Variants in FAM135B observed in about 807,000 individuals in gnomAD.
FAM135B encodes the protein family with sequence similarity 135 member B.
FAM135B carries 43 observed loss-of-function variants against 127.7 expected under a neutral mutation model. The observed-to-expected ratio is 0.34, with a 90% confidence interval of 0.26 to 0.43. FAM135B has a LOEUF of 0.43. Among genes scored for constraint, FAM135B ranks in the 20% least tolerant of loss-of-function variants. The pLI, the probability that FAM135B is intolerant of heterozygous loss-of-function variation, is 1.00. For synonymous variants in FAM135B, 670 were observed against 665.1 expected, an observed-to-expected ratio of 1.01 and a Z score of -0.11; for missense variants, 1,558 against 1,725.6, an observed-to-expected ratio of 0.90 and a Z score of 1.72.
intron 3 of FAM135B, among the ~76,000 whole-genome samples, chr8:138,274,673 G>A (rs960844162): frequency 2.6e-5 from 4 of 152,046 alleles, no homozygotes; most frequent in Non-Finnish European, 5.9e-5. Context: ...CATAAGAGAC[G>A]ACCACGCCCA....
rs1563664175 is a variant in FAM135B at position 138,132,679 on chromosome 8, C to G, written c.4135G>C (p.Gly1379Arg). 1.2e-6 allele frequency: 2 copies of G among 1,614,126 alleles called. No homozygotes were observed. The highest frequency in any genetic ancestry group is 8.5e-7 in the Non-Finnish European group (1 of 1,180,026). ...AGCACAGCGATGTGAGCGGCTCGGC[C>G]GATCAGGGTGTTGGCAGTGTTGGGC... is the stretch of plus-strand genomic sequence containing the variant. The part of the protein sequence containing the change: ...ALPNTANTLI[G>R]RAAHIAVLDS... Residue 1379 changes from glycine (G) to arginine (R), a missense_variant, in exon 20 of 20, where the codon GGC (glycine) becomes CGC (arginine). This residue lies in a region of FAM135B where 194 missense variants were observed against 333.8 expected (regional missense o/e 0.58). Transcript: ENST00000395297. This position sits in a 1 kb window ranked among gnomAD's most constrained non-coding sequence, Gnocchi z 4.5.
intron 1 of FAM135B, among the ~76,000 whole-genome samples, chr8:138,401,274 T>A (rs948493423): frequency 5.3e-5 from 8 of 152,192 alleles, no homozygotes; most frequent in African/African-American, 1.9e-4. Flanking sequence ...GAATTATTAT[T>A]TTGTAGGTTA....
intron 1 of FAM135B, among the ~76,000 whole-genome samples, chr8:138,382,239 C>T (rs549228688): frequency 1.1e-4 from 16 of 152,230 alleles, no homozygotes; most frequent in East Asian, 5.8e-4. Context: ...TATCAAGATA[C>T]GGAGGGCCTT....
chr8:138,192,616 C>T (rs1008310571), intron 9 of FAM135B, among the ~76,000 whole-genome samples: 105 of 151,444 alleles, frequency 6.9e-4, no homozygotes, highest in African/African-American at 2.4e-3. Flanking sequence ...GGTCTTGTGG[C>T]CCTCACCCAG....
intron 5 of FAM135B, among the ~76,000 whole-genome samples, chr8:138,253,786 C>T (rs533355452): frequency 2.4e-4 from 36 of 152,274 alleles, no homozygotes; most frequent in African/African-American, 7.9e-4. Flanking sequence ...CCATTTTGTT[C>T]CCACCCAGAC....
At chr8:138,477,689 C>A (rs1270131676) in intron 1 of FAM135B, among the ~76,000 whole-genome samples, 1 of 152,338 alleles carries the variant, frequency 6.6e-6, no homozygotes, top group South Asian at 2.1e-4. Flanking sequence ...CCCAGACAGG[C>A]ACTTCCTCAG....
chr8:138,486,844 C>G (rs938632556), intron 1 of FAM135B, among the ~76,000 whole-genome samples: 1 of 152,166 alleles, frequency 6.6e-6, no homozygotes, highest in Non-Finnish European at 1.5e-5. Context: ...GACCTCTCCA[C>G]GAAGACCTAG....
rs2130780565 is a variant in FAM135B, at chr8:138,152,754, G to C, written c.1721C>G (p.Ala574Gly). 1 of 1,614,178 alleles carries C rather than the reference G, an allele frequency of 6.2e-7. No homozygotes were observed. Among genetic ancestry groups the C allele is most frequent in the Non-Finnish European group, 8.5e-7 (1 of 1,180,040 alleles). The change falls in exon 13 of 20, where the codon GCT (alanine) becomes GGT (glycine). Residue 574 changes from alanine to glycine, a missense_variant. Around this residue, in one of 5 missense-constraint regions of FAM135B, gnomAD observed 923 missense variants for 865.3 expected, o/e 1.07. Transcript: ENST00000395297. ...TCTAGAGCTCCTACTCTCATGCTGA[G>C]CATTGAAGGCCACCAGGGGTTCAGC... ...SRAEPLVAFNAQHESRSSRDK... is the reference protein window; with the variant it reads ...SRAEPLVAFNGQHESRSSRDK...
chr8:138,478,300 G>A (rs1262145048), intron 1 of FAM135B, among the ~76,000 whole-genome samples: 2 of 151,982 alleles, frequency 1.3e-5, no homozygotes, highest in East Asian at 3.9e-4. Context: ...ATAGGTCCTT[G>A]TCTTTGCAAA....
chr8:138,320,557 G>T (rs560497570), intron 2 of FAM135B, among the ~76,000 whole-genome samples: 46 of 152,296 alleles, frequency 3.0e-4, no homozygotes, highest in Non-Finnish European at 5.6e-4. Flanking sequence ...AGCACCTTGA[G>T]AACAAGAATG....
intron 2 of FAM135B, among the ~76,000 whole-genome samples, chr8:138,355,615 G>T (rs989115461): frequency 6.6e-6 from 1 of 152,126 alleles, no homozygotes; most frequent in Non-Finnish European, 1.5e-5. Flanking sequence ...TCAGTCATTG[G>T]CTGGAAGGAT....
At position 138,135,739 on chromosome 8, in the gene FAM135B, A is replaced by G. The variant is rs1340559177; in HGVS notation, c.4015+1408T>C. 1.3e-5 allele frequency among the ~76,000 whole-genome samples: 2 copies of G among 152,184 alleles called. 1 individual carries two copies. Among genetic ancestry groups the G allele is most frequent in the African/African-American group, 4.8e-5 (2 of 41,458 alleles). ...TTACACATGCAAAGTCTTTCATCAC[A>G]TAATAACTAAAAAGGAAACCTTCCA... On this transcript the variant is annotated intron_variant, in intron 19 of 19. Coordinates refer to ENST00000395297, the MANE Select transcript of FAM135B (RefSeq NM_015912.4).
intron 1 of FAM135B, among the ~76,000 whole-genome samples, chr8:138,400,377 C>T (rs1833091184): frequency 6.6e-6 from 1 of 152,120 alleles, no homozygotes; most frequent in Admixed American, 6.5e-5. Flanking sequence ...AATGCAGTGC[C>T]GTGGATCAAC....
intron 1 of FAM135B, among the ~76,000 whole-genome samples, chr8:138,376,906 C>A (rs1378276764): frequency 6.6e-6 from 1 of 152,230 alleles, no homozygotes; most frequent in Non-Finnish European, 1.5e-5. Flanking sequence ...GAGGTTCTGG[C>A]ATTTGTAGAT....
intron 7 of FAM135B, among the ~76,000 whole-genome samples, chr8:138,225,827 A>C (rs371072346): frequency 3.9e-5 from 6 of 152,132 alleles, no homozygotes; most frequent in African/African-American, 1.4e-4. Context: ...TGAAGTTCTG[A>C]GCTTTCAACA....
intron 7 of FAM135B, among the ~76,000 whole-genome samples, chr8:138,220,316 C>T (rs1023301009): frequency 2.6e-5 from 4 of 152,250 alleles, no homozygotes; most frequent in African/African-American, 7.2e-5. Flanking sequence ...ATTCAAATGT[C>T]ACTCTAATCA....
At position 138,394,148 on chromosome 8, in the gene FAM135B, A is replaced by G. The variant is rs191494713; in HGVS notation, c.-19-26146T>C. On this transcript the variant is annotated intron_variant, in intron 1 of 19. Coordinates refer to ENST00000395297, the MANE Select transcript of FAM135B (RefSeq NM_015912.4). ...ATTTCTCAGAAGAAGACAGATCACT[A>G]ATTTCCTAGGGGACATACCCTCATA... 1.8e-4 allele frequency among the ~76,000 whole-genome samples: 28 copies of G among 152,276 alleles called. No homozygotes were observed. In the South Asian group the frequency reaches 4.8e-3, roughly 26 times the overall value.
At chr8:138,406,261 T>C (rs1206978496) in intron 1 of FAM135B, among the ~76,000 whole-genome samples, 1 of 152,100 alleles carries the variant, frequency 6.6e-6, no homozygotes, top group East Asian at 1.9e-4. Flanking sequence ...ATTGTGGCAA[T>C]AATCAATAGC....
intron 3 of FAM135B, among the ~76,000 whole-genome samples, chr8:138,268,327 G>A (rs1167230478): frequency 1.3e-5 from 2 of 152,120 alleles, no homozygotes; most frequent in East Asian, 3.9e-4. Context: ...ATTTTTATGG[G>A]AGATTAAGCG....
Sources: gnomAD v4.1 joint callset for allele counts (sites outside exome capture counted in the v4.1 genomes callset) on GRCh38, gnomAD v4.1.1 for gene constraint, gnomAD v4.1.1 regional missense constraint, Gnocchi (gnomAD v3.1) non-coding constraint, MANE v1.5 for transcripts, NCBI Gene and HGNC (gene_info 2026-07-23, HGNC 2026-07-21) for gene names.